The following CADM1 variants were observed in gnomAD, a reference collection of about 807,000 sequenced individuals.
CADM1 encodes TSLC-1.
Under a neutral mutation model 53.1 loss-of-function variants are expected in CADM1, and 15 were observed. That is an observed-to-expected ratio of 0.28 (90% CI 0.19 to 0.44). The LOEUF is 0.44. Among genes scored for constraint, CADM1 ranks in the 20% least tolerant of loss-of-function variants. The pLI is 1.00. For synonymous variants in CADM1, 281 were observed against 243.0 expected, an observed-to-expected ratio of 1.16 and a Z score of -1.45; for missense variants, 434 against 611.3, an observed-to-expected ratio of 0.71 and a Z score of 3.06.
chr11:115,254,510 A>G (rs17118149), intron 1 of CADM1, among the ~76,000 whole-genome samples: 2,896 of 151,866 alleles, frequency 0.019, 88 homozygotes, highest in African/African-American at 0.065. Context: ...TAGAGAAAAC[A>G]GCCCTACTTT....
intron 9 of CADM1, among the ~76,000 whole-genome samples, chr11:115,195,529 G>A (rs902563905): frequency 6.6e-6 from 1 of 152,162 alleles, no homozygotes; most frequent in Non-Finnish European, 1.5e-5. Context: ...CATTTAAGTT[G>A]CTAAGTTATC....
intron 1 of CADM1, among the ~76,000 whole-genome samples, chr11:115,350,925 TAAAAA>T (rs11378288): frequency 7.4e-6 from 1 of 135,854 alleles, no homozygotes; most frequent in South Asian, 2.4e-4. Context: ...TACGAGAAGT[TAAAAA>T]AAAAAAAAAA....
chr11:115,231,758 G>A (rs551499020), intron 3 of CADM1, among the ~76,000 whole-genome samples: 22 of 152,184 alleles, frequency 1.4e-4, no homozygotes, highest in Middle Eastern at 3.4e-3. Flanking sequence ...AGGCCGAGGC[G>A]GGCAGATTAC....
intron 1 of CADM1, among the ~76,000 whole-genome samples, chr11:115,425,882 A>G (rs117587260): frequency 0.014 from 2,086 of 152,328 alleles, 22 homozygotes; most frequent in Non-Finnish European, 0.019. Context: ...CTTTGTAAGC[A>G]GGGGTCTGTG....
chr11:115,186,036 G>A (rs924755271), intron 10 of CADM1, among the ~76,000 whole-genome samples: 7 of 152,132 alleles, frequency 4.6e-5, no homozygotes, highest in African/African-American at 1.2e-4. Flanking sequence ...CCCTTCCCAC[G>A]GTGGAAACAG....
At position 115,206,758 on chromosome 11, in the gene CADM1, C is replaced by T. The variant is rs79378963; in HGVS notation, c.1078+2816G>A. Among the ~76,000 whole-genome samples, 202 of 38,162 alleles carry T rather than the reference C, an allele frequency of 5.3e-3. 2 individuals carry two copies. Among genetic ancestry groups the T allele is most frequent in the Middle Eastern group, 0.053 (2 of 38 alleles). The allele number at this position is 38,162 out of a possible 152,430, so 25.0% of individuals were successfully genotyped here. A position where few individuals can be genotyped will look rare whatever the true frequency, so the allele number is the denominator to read the frequency against. ...AAAAGAAATAGATGACTGTGGACTT[C>T]TTTTTTTTTTTTTTTTTTTTTTTTT... On this transcript the variant is annotated intron_variant, in intron 8 of 11. Coordinates refer to ENST00000331581, the MANE Select transcript of CADM1 (RefSeq NM_001301043.2).
chr11:115,297,718 G>A (rs992945017), intron 1 of CADM1, among the ~76,000 whole-genome samples: 3 of 152,158 alleles, frequency 2.0e-5, no homozygotes, highest in Admixed American at 6.5e-5. Flanking sequence ...ATCCCTAAGG[G>A]CCAAGAACAT....
At chr11:115,224,697 G>A (rs1287654792) in intron 5 of CADM1, among the ~76,000 whole-genome samples, 1 of 152,078 alleles carries the variant, frequency 6.6e-6, no homozygotes, top group African/African-American at 2.4e-5. Context: ...CCATACTGAG[G>A]GTCACAGCTT....
intron 1 of CADM1, among the ~76,000 whole-genome samples, chr11:115,436,849 A>G (rs557222372): frequency 6.6e-6 from 1 of 152,322 alleles, no homozygotes; most frequent in East Asian, 1.9e-4. Context: ...TTTTGTTGAA[A>G]AAAGGCATCT....
chr11:115,218,423 T>C (rs1941275808), intron 5 of CADM1, among the ~76,000 whole-genome samples: 1 of 152,206 alleles, frequency 6.6e-6, no homozygotes, highest in African/African-American at 2.4e-5. Flanking sequence ...TAAATTTGCC[T>C]CTTCTATGTT....
chr11:115,309,192 T>G (rs1273619372), intron 1 of CADM1, among the ~76,000 whole-genome samples: 1 of 152,144 alleles, frequency 6.6e-6, no homozygotes, highest in East Asian at 1.9e-4. Flanking sequence ...CTGTTTATTC[T>G]TTCTCCAAAC....
intron 1 of CADM1, among the ~76,000 whole-genome samples, chr11:115,358,266 A>G (rs1287836926): frequency 6.6e-6 from 1 of 152,194 alleles, no homozygotes; most frequent in Non-Finnish European, 1.5e-5. Flanking sequence ...AAAGATTCAT[A>G]AAGTATTGTA....
At chr11:115,429,606 G>A (rs1947990344) in intron 1 of CADM1, among the ~76,000 whole-genome samples, 1 of 150,958 alleles carries the variant, frequency 6.6e-6, no homozygotes. Context: ...AAAAAAAATA[G>A]AAGCCGAAGT....
intron 1 of CADM1, among the ~76,000 whole-genome samples, chr11:115,277,915 G>C (rs1943486556): frequency 6.6e-6 from 1 of 152,070 alleles, no homozygotes. Context: ...TCTACTGCTT[G>C]CCAATGTACT....
chr11:115,369,696 T>C (rs1409879899), intron 1 of CADM1, among the ~76,000 whole-genome samples: 1 of 152,126 alleles, frequency 6.6e-6, no homozygotes, highest in Non-Finnish European at 1.5e-5. Context: ...AGAAATAAAA[T>C]TCAACCACCT....
intron 9 of CADM1, among the ~76,000 whole-genome samples, chr11:115,197,852 G>C (rs917689687): frequency 4.6e-5 from 7 of 152,006 alleles, no homozygotes; most frequent in Non-Finnish European, 1.0e-4. Context: ...GGGGTGGTGG[G>C]GTACATATGA....
Position 115,425,732 on chromosome 11 carries a change from A to C in CADM1, c.124+78539T>G, listed in dbSNP as rs114377355. 5.9e-3 allele frequency among the ~76,000 whole-genome samples: 893 copies of C among 152,380 alleles called. 4 individuals are homozygous for C. The highest frequency in any genetic ancestry group is 0.041 in the Middle Eastern group (12 of 294). The stretch of plus-strand genomic sequence containing the variant: ...TGTACCTCTCTTCCAAACCCACTGC[A>C]TTATCCAATGAATTAATAGCTTGAC... On this transcript the variant is annotated intron_variant, in intron 1 of 11. Transcript: ENST00000331581.
At chr11:115,316,477 G>A (rs1319262800) in intron 1 of CADM1, among the ~76,000 whole-genome samples, 2 of 152,098 alleles carry the variant, frequency 1.3e-5, no homozygotes, top group African/African-American at 4.8e-5. Context: ...ATAGTTCCGA[G>A]GCGGAATTCC....
chr11:115,295,034 A>T (rs4936327), intron 1 of CADM1, among the ~76,000 whole-genome samples: 5 of 151,896 alleles, frequency 3.3e-5, no homozygotes, highest in Non-Finnish European at 4.4e-5. Context: ...AGTGAAACTC[A>T]GTCTCAACAA....
Sources: allele counts gnomAD v4.1 joint callset (sites outside exome capture counted in the v4.1 genomes callset), GRCh38; gene constraint gnomAD v4.1.1; transcripts MANE v1.5; gene names NCBI Gene and HGNC (gene_info 2026-07-23, HGNC 2026-07-21).